The following BDH2 variants were observed in gnomAD, a reference collection of about 807,000 sequenced individuals.
BDH2 encodes the protein 3-hydroxybutyrate dehydrogenase 2.
In BDH2, 24 loss-of-function variants were observed where a neutral mutation model predicts 33.2. The ratio of observed to expected loss-of-function variants is 0.72; its 90% CI spans 0.52 to 1.02. The LOEUF (loss-of-function observed/expected upper bound fraction) is 1.02. BDH2 is among the 50% of genes least tolerant of loss of function. The probability of loss-of-function intolerance (pLI) is 0.00; values close to 1 mark genes in which losing one functional copy is unlikely to be tolerated. For missense variants in BDH2, 249 were observed against 301.6 expected (o/e 0.83, Z 1.29); for synonymous variants, 81 against 101.6 (o/e 0.80, Z 1.22).
chr4:103,091,679 A>G (rs1299804068), intron 4 of BDH2: 1 of 454,956 alleles, frequency 2.2e-6, no homozygotes, highest in Admixed American at 2.4e-5. Flanking sequence ...CAGGAGTTTT[A>G]GGATGCAGTG....
At position 103,086,550 on chromosome 4, in the gene BDH2, CA is replaced by C; in HGVS notation, c.358-11del. The C allele has an allele frequency of 6.5e-7, 1 of 1,541,552 alleles. No homozygotes were observed. Among genetic ancestry groups the C allele is most frequent in the African/African-American group, 1.5e-5 (1 of 66,204 alleles). On this transcript the variant is annotated splice_polypyrimidine_tract_variant and intron_variant, in intron 5 of 9. Coordinates refer to ENST00000296424, the MANE Select transcript of BDH2 (RefSeq NM_020139.4). Reference sequence around the variant, plus strand: ...ATTTCTGAGCAAGCATCTGCCAAAACAAAACAAATACAAAAAAAAAAAAATC... The same window carrying C: ...ATTTCTGAGCAAGCATCTGCCAAAACAAACAAATACAAAAAAAAAAAAATC...
chr4:103,080,786 A>C (rs1200823678), intron 9 of BDH2, among the ~76,000 whole-genome samples: 1 of 152,256 alleles, frequency 6.6e-6, no homozygotes, highest in Non-Finnish European at 1.5e-5. Context: ...AGGGTAATTT[A>C]GCTTATCAGC....
intron 7 of BDH2, among the ~76,000 whole-genome samples, chr4:103,083,655 A>C (rs1747628187): frequency 6.9e-6 from 1 of 145,438 alleles, no homozygotes; most frequent in Non-Finnish European, 1.5e-5. Context: ...TAAACTGTTC[A>C]TTCTCTTTAG....
In BDH2 at chr4:103,083,961, G is replaced by C. The variant is rs569893385; in HGVS notation, c.533-1032C>G. 3.3e-5 allele frequency among the ~76,000 whole-genome samples: 5 copies of C among 152,110 alleles called. No individual in the cohort carries two copies. The East Asian group carries it at 9.6e-4, about 29-fold the overall frequency. ...AGCAGCCAGCACTTTCAAGACTCTG[G>C]GTAGAAATCACCTTAATTAGATCAC... On this transcript the variant is annotated intron_variant, in intron 7 of 9. Coordinates refer to ENST00000296424, the MANE Select transcript of BDH2 (RefSeq NM_020139.4).
chr4:103,094,458 G>C (rs1056986773), intron 3 of BDH2, among the ~76,000 whole-genome samples: 4 of 152,110 alleles, frequency 2.6e-5, no homozygotes, highest in Admixed American at 2.6e-4. Flanking sequence ...AACTAAATGA[G>C]GTAATGGATA....
intron 2 of BDH2, 35 bp downstream of exon 2, chr4:103,096,148 T>A: frequency 6.7e-7 from 1 of 1,502,936 alleles, no homozygotes; most frequent in Non-Finnish European, 9.2e-7. Context: ...CAAGAGTTAG[T>A]AGGCAAACAA....
intron 3 of BDH2, 106 bp downstream of exon 3, chr4:103,095,097 G>C (rs1748321999): frequency 1.2e-6 from 1 of 802,458 alleles, no homozygotes; most frequent in Admixed American, 2.3e-5. Flanking sequence ...AAAAAGCACG[G>C]CAGTGGAGCT....
chr4:103,091,376 A>G, intron 4 of BDH2, 91 bp from the exon 5 acceptor site: 1 of 763,868 alleles, frequency 1.3e-6, no homozygotes, highest in Admixed American at 2.1e-5. Context: ...TTAGTGACTT[A>G]GACCACTGTC....
chr4:103,081,898 T>C (rs1747542272), intron 9 of BDH2, among the ~76,000 whole-genome samples, 183 bp downstream of exon 9: 1 of 152,234 alleles, frequency 6.6e-6, no homozygotes, highest in Admixed American at 6.5e-5. Flanking sequence ...AAGGAAGAAT[T>C]AGTGGCTCAG....
intron 3 of BDH2, among the ~76,000 whole-genome samples, chr4:103,094,362 T>G (rs1340784906): frequency 6.6e-6 from 1 of 152,204 alleles, no homozygotes; most frequent in East Asian, 1.9e-4. Flanking sequence ...GTGACTATAG[T>G]TATTAATAAT....
chr4:103,093,090 C>T (rs1265551606), intron 3 of BDH2, among the ~76,000 whole-genome samples: 3 of 152,090 alleles, frequency 2.0e-5, no homozygotes, highest in African/African-American at 7.2e-5. Context: ...TGCAGCTTTT[C>T]TCTTAATTTT....
At chr4:103,098,220 A>G (rs1037359666) in intron 1 of BDH2, among the ~76,000 whole-genome samples, 12 of 152,152 alleles carry the variant, frequency 7.9e-5, no homozygotes, top group Admixed American at 1.3e-4. Context: ...GCAGGGATGG[A>G]GAGATAGGTG....
At chr4:103,086,139 T>C in intron 6 of BDH2, 2 of 1,103,046 alleles carry the variant, frequency 1.8e-6, no homozygotes, top group South Asian at 5.4e-5. Flanking sequence ...GGACTGTGAA[T>C]TCTTTTATGG....
intron 1 of BDH2, 41 bp downstream of exon 1, chr4:103,099,742 C>CTAAAGTT (rs1748569198): frequency 6.6e-6 from 1 of 152,206 alleles, no homozygotes; most frequent in Non-Finnish European, 1.5e-5. Flanking sequence ...TCCCCTCTTT[C>CTAAAGTT]CGTTCTAAAG....
chr4:103,078,837 C>A lies in BDH2; in HGVS notation c.*865G>T, dbSNP rs539217140. ...GTGGCATGATTACAGCTCACTGCAGCCTCAAACTCTTGGGCTCAAGTAATC... is the reference window on the plus strand; with the variant it reads ...GTGGCATGATTACAGCTCACTGCAGACTCAAACTCTTGGGCTCAAGTAATC... On this transcript the variant is annotated 3_prime_UTR_variant, in exon 10 of 10. Transcript: ENST00000296424. Among the ~76,000 whole-genome samples, 1 of 152,206 alleles carries A rather than the reference C, an allele frequency of 6.6e-6. No homozygotes were observed. The highest frequency in any genetic ancestry group is 2.1e-4 in the South Asian group (1 of 4,824).
intron 5 of BDH2, among the ~76,000 whole-genome samples, chr4:103,090,259 A>G (rs1465184231): frequency 6.6e-6 from 1 of 152,204 alleles, no homozygotes; most frequent in Non-Finnish European, 1.5e-5. Flanking sequence ...TACGCTGCTC[A>G]TGTTTATACT....
chr4:103,095,162 G>T (rs1748329800), intron 3 of BDH2, 41 bp downstream of exon 3: 3 of 1,510,800 alleles, frequency 2.0e-6, no homozygotes, highest in South Asian at 2.3e-5. Context: ...ATAATACCTT[G>T]CAGACACTGA....
In BDH2 at chr4:103,089,855, G is replaced by T. The variant is rs527857661; in HGVS notation, c.357+1322C>A. Among the ~76,000 whole-genome samples the T allele has an allele frequency of 1.2e-4, 19 of 152,122 alleles. No individual in the cohort carries two copies. In the East Asian group the frequency reaches 3.1e-3, roughly 25 times the overall value. On this transcript the variant is annotated intron_variant, in intron 5 of 9. Coordinates refer to ENST00000296424, the MANE Select transcript of BDH2 (RefSeq NM_020139.4). ...CAACTTACATTAAAAAAAACAATTT[G>T]TTATAAAAATTTGCTAGTTCAACAT...
chr4:103,079,341 C>T lies in BDH2; in HGVS notation c.*361G>A, dbSNP rs7666067. The T allele has an allele frequency of 0.15, 26,317 of 179,366 alleles. 2,167 individuals carry two copies. Among genetic ancestry groups the T allele is most frequent in the South Asian group, 0.23 (1,864 of 8,040 alleles). 11.1% of individuals were successfully genotyped at this position (179,366 alleles called of 1,614,324 possible). A position where few individuals can be genotyped will look rare whatever the true frequency, so the allele number is the denominator to read the frequency against. ...TATCTGCTGGCACCTTTATCTTGCACTTCCTAGCCTCCAGACTGAAAAATA... is the reference window on the plus strand; with the variant it reads ...TATCTGCTGGCACCTTTATCTTGCATTTCCTAGCCTCCAGACTGAAAAATA... On this transcript the variant is annotated 3_prime_UTR_variant, in exon 10 of 10. Coordinates refer to ENST00000296424, the MANE Select transcript of BDH2 (RefSeq NM_020139.4).
Sources: gnomAD v4.1 joint callset for allele counts (sites outside exome capture counted in the v4.1 genomes callset) on GRCh38, gnomAD v4.1.1 for gene constraint, MANE v1.5 for transcripts, NCBI Gene and HGNC (gene_info 2026-07-23, HGNC 2026-07-21) for gene names.